The following UST variants were observed in gnomAD, a reference collection of about 807,000 sequenced individuals.
UST encodes uronyl 2-sulfotransferase.
UST carries 21 observed loss-of-function variants against 45.6 expected under a neutral mutation model. That is an observed-to-expected ratio of 0.46 (90% CI 0.33 to 0.66). The LOEUF is 0.66. Ranked by LOEUF, UST falls within the 30% of genes least tolerant of loss-of-function variation. The pLI is 0.02. For synonymous variants in UST, 215 were observed against 200.6 expected, an observed-to-expected ratio of 1.07 and a Z score of -0.61; for missense variants, 463 against 512.4, an observed-to-expected ratio of 0.90 and a Z score of 0.93.
At chr6:148,758,664 G>A (rs754997325) in intron 1 of UST, among the ~76,000 whole-genome samples, 5 of 152,140 alleles carry the variant, frequency 3.3e-5, no homozygotes, top group East Asian at 1.9e-4. Flanking sequence ...GCAGTGAACC[G>A]CAGAAGCAGA....
intron 7 of UST, among the ~76,000 whole-genome samples, chr6:149,042,956 TTTCTTTCTTTCTTTCTTTCTTTCTTTC>T (rs1247443402): frequency 2.2e-4 from 16 of 72,598 alleles, no homozygotes; most frequent in Admixed American, 1.2e-3. Flanking sequence ...TCACCATCCT[TTTCTTTCTTTCTTTCTTTCTTTCTTTC>T]TTTCTTTCTT....
chr6:148,831,859 C>T (rs1456495575), intron 1 of UST, among the ~76,000 whole-genome samples: 3 of 152,174 alleles, frequency 2.0e-5, no homozygotes, highest in African/African-American at 4.8e-5. Context: ...AATACTTTCC[C>T]GAAGTCATAT....
chr6:149,047,937 A>G (rs1776417092), intron 7 of UST, among the ~76,000 whole-genome samples: 1 of 152,232 alleles, frequency 6.6e-6, no homozygotes, highest in Non-Finnish European at 1.5e-5. Flanking sequence ...TAAAAGCACA[A>G]GCTCAGATAG....
intron 7 of UST, among the ~76,000 whole-genome samples, chr6:149,072,670 G>T (rs1430812650): frequency 6.9e-6 from 1 of 144,688 alleles, no homozygotes; most frequent in Non-Finnish European, 1.5e-5. Context: ...AAAAAAAAAG[G>T]AATGAAGCTC....
At chr6:148,883,518 G>T (rs916639030) in intron 1 of UST, among the ~76,000 whole-genome samples, 1 of 152,184 alleles carries the variant, frequency 6.6e-6, no homozygotes, top group Non-Finnish European at 1.5e-5. Context: ...AGGTTGAATA[G>T]AAATGACAGT....
At chr6:148,792,463 G>A (rs774397152) in intron 1 of UST, among the ~76,000 whole-genome samples, 9 of 152,046 alleles carry the variant, frequency 5.9e-5, no homozygotes, top group African/African-American at 1.7e-4. Context: ...CAGACACTTC[G>A]GACTGGAGAT....
intron 5 of UST, among the ~76,000 whole-genome samples, chr6:148,998,128 G>A (rs112489527): frequency 0.012 from 1,759 of 152,312 alleles, 41 homozygotes; most frequent in African/African-American, 0.04. Context: ...GACAGTTTCT[G>A]TGGCTTTTCA....
At chr6:148,833,090 CCTT>C (rs1276073410) in intron 1 of UST, among the ~76,000 whole-genome samples, 1 of 152,206 alleles carries the variant, frequency 6.6e-6, no homozygotes, top group Non-Finnish European at 1.5e-5. Flanking sequence ...TCATTCATGA[CCTT>C]CTCACCACTG....
intron 1 of UST, 54 bp downstream of exon 1, chr6:148,747,731 C>G (rs928495045): frequency 5.1e-5 from 76 of 1,503,088 alleles, no homozygotes; most frequent in Non-Finnish European, 6.5e-5. Context: ...AGTTGTGCGG[C>G]GGGGAGAGGG....
chr6:148,878,185 GA>G (rs1778736055), intron 1 of UST, among the ~76,000 whole-genome samples: 1 of 130,440 alleles, frequency 7.7e-6, no homozygotes, highest in Admixed American at 7.6e-5. Context: ...TACGAGTGAG[GA>G]GATCATGTAC....
At chr6:148,756,302 C>T (rs1156862595) in intron 1 of UST, among the ~76,000 whole-genome samples, 1 of 152,106 alleles carries the variant, frequency 6.6e-6, no homozygotes, top group Non-Finnish European at 1.5e-5. Flanking sequence ...TCCCCTTCTG[C>T]CATCATTGTA....
intron 4 of UST, among the ~76,000 whole-genome samples, chr6:148,962,722 G>A (rs903366395): frequency 3.9e-5 from 6 of 152,178 alleles, no homozygotes; most frequent in Non-Finnish European, 8.8e-5. Context: ...TTCCAATGTG[G>A]TAGTATTTAA....
intron 5 of UST, among the ~76,000 whole-genome samples, chr6:148,978,184 A>G (rs1562319004): frequency 6.6e-6 from 1 of 152,294 alleles, no homozygotes; most frequent in East Asian, 1.9e-4. Context: ...TGATAATTTT[A>G]TCTTTCTTTT....
chr6:148,943,116 A>C (rs1351763970), intron 3 of UST, among the ~76,000 whole-genome samples: 1 of 152,184 alleles, frequency 6.6e-6, no homozygotes, highest in East Asian at 1.9e-4. Context: ...GAAAGAAAGG[A>C]ATTATAAATA....
intron 4 of UST, among the ~76,000 whole-genome samples, chr6:148,962,939 A>G (rs149657158): frequency 1.9e-4 from 29 of 152,360 alleles, no homozygotes; most frequent in African/African-American, 6.5e-4. Flanking sequence ...AGAAACGTTA[A>G]CAACTGAGAG....
intron 1 of UST, among the ~76,000 whole-genome samples, chr6:148,774,848 G>A (rs973098213): frequency 6.6e-6 from 1 of 152,108 alleles, no homozygotes; most frequent in Non-Finnish European, 1.5e-5. Flanking sequence ...GTGAAACCCC[G>A]TCTTTACTAA....
chr6:148,947,881 C>A (rs1780278585), intron 3 of UST, among the ~76,000 whole-genome samples: 2 of 151,516 alleles, frequency 1.3e-5, no homozygotes, highest in South Asian at 2.1e-4. Flanking sequence ...AGTCTTGGAG[C>A]CCTACACACA....
intron 1 of UST, among the ~76,000 whole-genome samples, chr6:148,767,547 A>G (rs1043825849): frequency 2.0e-5 from 3 of 152,140 alleles, no homozygotes; most frequent in African/African-American, 7.2e-5. Flanking sequence ...TACTATCAAA[A>G]TTCATTACCA....
intron 1 of UST, among the ~76,000 whole-genome samples, chr6:148,857,695 A>G (rs2114795224): frequency 6.6e-6 from 1 of 150,388 alleles, no homozygotes; most frequent in East Asian, 2.0e-4. Context: ...GATGTGAGGC[A>G]GATGTTGCAG....
Sources: allele counts gnomAD v4.1 joint callset (sites outside exome capture counted in the v4.1 genomes callset), GRCh38; gene constraint gnomAD v4.1.1; transcripts MANE v1.5; gene names NCBI Gene and HGNC (gene_info 2026-07-23, HGNC 2026-07-21).